The following SLC6A6 variants were observed in gnomAD, a reference collection of about 807,000 sequenced individuals.
SLC6A6 encodes solute carrier family 6 member 6.
SLC6A6 carries 16 observed loss-of-function variants against 68.8 expected under a neutral mutation model. The ratio of observed to expected loss-of-function variants is 0.23; its 90% CI spans 0.16 to 0.35. The LOEUF is 0.35. Ranked by LOEUF, SLC6A6 falls within the 10% of genes least tolerant of loss-of-function variation. The probability of loss-of-function intolerance (pLI) is 1.00; values close to 1 mark genes in which losing one functional copy is unlikely to be tolerated. For missense variants in SLC6A6, 474 were observed against 802.8 expected, an observed-to-expected ratio of 0.59 and a Z score of 4.95; for synonymous variants, 312 against 315.4, an observed-to-expected ratio of 0.99 and a Z score of 0.12.
At chr3:14,434,006 C>T (rs761825577) in intron 2 of SLC6A6, among the ~76,000 whole-genome samples, 7 of 152,134 alleles carry the variant, frequency 4.6e-5, no homozygotes, top group East Asian at 1.9e-4. Flanking sequence ...TTGGGGGCCC[C>T]GTCCCCTCTT....
chr3:14,434,455 G>T (rs1402093034), intron 2 of SLC6A6, among the ~76,000 whole-genome samples: 2 of 152,228 alleles, frequency 1.3e-5, no homozygotes, highest in Admixed American at 1.3e-4. Context: ...CTGCAGGTCA[G>T]CTTGGTAGGG....
intron 1 of SLC6A6, among the ~76,000 whole-genome samples, chr3:14,406,881 T>C (rs1023092210): frequency 1.3e-5 from 2 of 152,052 alleles, no homozygotes; most frequent in Non-Finnish European, 2.9e-5. Flanking sequence ...GGGGAGGGAA[T>C]GATGGGGGAG....
At position 14,484,853 on chromosome 3, in the gene SLC6A6, T is replaced by C. The variant is rs202033926; in HGVS notation, c.1723-14T>C. 1,907 of 1,610,790 alleles carry C rather than the reference T, an allele frequency of 1.2e-3. 40 individuals are homozygous for C. The South Asian group carries it at 0.019, about 16-fold the overall frequency. The stretch of plus-strand genomic sequence containing the variant: ...CCTGACGTTTCCCCCCTCACTCCTG[T>C]CATCCTTCTCCAGAGAGTCAAGTAC... On this transcript the variant is annotated splice_polypyrimidine_tract_variant and intron_variant, in intron 14 of 14. Transcript: ENST00000622186.
At position 14,443,660 on chromosome 3, in the gene SLC6A6, G is replaced by A. The variant is rs777774845; in HGVS notation, c.26G>A (p.Cys9Tyr). Residue 9 changes from cysteine (C) to tyrosine (Y), a missense_variant, in exon 3 of 15, where the codon TGT becomes TAT. Cys to Tyr is a radical substitution (Grantham distance 194). Transcript: ENST00000622186. MATKEKLQ[C>Y]LKDFHKDILK... ...ATGGCCACCAAGGAGAAGCTGCAGT[G>A]TCTGAAAGATTTCCACAAGGACATC... The A allele has an allele frequency of 5.0e-6, 8 of 1,613,582 alleles. No homozygotes were observed. The East Asian group carries it at 6.7e-5, about 13-fold the overall frequency.
intron 1 of SLC6A6, among the ~76,000 whole-genome samples, chr3:14,409,512 A>C (rs1171490396): frequency 6.6e-6 from 1 of 152,254 alleles, no homozygotes; most frequent in African/African-American, 2.4e-5. Flanking sequence ...CGCTGGACCC[A>C]GAGTCCACCG....
At chr3:14,464,149 C>T (rs534287541) in intron 6 of SLC6A6, among the ~76,000 whole-genome samples, 4 of 152,294 alleles carry the variant, frequency 2.6e-5, no homozygotes, top group East Asian at 3.9e-4. Context: ...CAGTCTAGAG[C>T]GGACAGCGGC....
In SLC6A6 at chr3:14,468,280, A is replaced by C; in HGVS notation, c.1096+68A>C. 6.9e-7 allele frequency: 1 copy of C among 1,454,744 alleles called. No homozygotes were observed. 90.1% of individuals were successfully genotyped at this position (1,454,744 alleles called of 1,614,324 possible). A position where few individuals can be genotyped will look rare whatever the true frequency, so the allele number is the denominator to read the frequency against. ...AGTGTGTAAGCCAAGTACTGCAGGC[A>C]TGAAGCCAGACCCCAGGGGGCTTTG... On this transcript the variant is annotated intron_variant, in intron 9 of 14. Coordinates refer to ENST00000622186, the MANE Select transcript of SLC6A6 (RefSeq NM_003043.6). This position sits in a 1 kb window ranked among gnomAD's most constrained non-coding sequence, Gnocchi z 4.5.
In SLC6A6 at chr3:14,489,271, A is replaced by T. The variant is rs969377622; in HGVS notation, c.*4264A>T. The T allele has an allele frequency of 6.6e-6, 1 of 152,530 alleles. No individual in the cohort carries two copies. Among genetic ancestry groups the T allele is most frequent in the Non-Finnish European group, 1.5e-5 (1 of 68,016 alleles). 9.4% of individuals were successfully genotyped at this position (152,530 alleles called of 1,614,324 possible). ...AGATAAATATGTATATCAATATTTT[A>T]AATTCATCTTTGCTTTTTTTAGAGG... On this transcript the variant is annotated 3_prime_UTR_variant, in exon 15 of 15. Transcript: ENST00000622186.
chr3:14,448,073 G>A, intron 5 of SLC6A6: 8 of 1,203,780 alleles, frequency 6.6e-6, no homozygotes, highest in Non-Finnish European at 8.8e-6. Flanking sequence ...AAGATAAAAA[G>A]AATGAATCAT....
At chr3:14,469,179 G>C (rs1700696624) in intron 9 of SLC6A6, among the ~76,000 whole-genome samples, 1 of 152,014 alleles carries the variant, frequency 6.6e-6, no homozygotes, top group South Asian at 2.1e-4. Flanking sequence ...TTGGAGGGTG[G>C]TCATCAGTTG....
At chr3:14,437,994 A>ATTTTTTTT (rs34038422) in intron 2 of SLC6A6, among the ~76,000 whole-genome samples, 11 of 118,300 alleles carry the variant, frequency 9.3e-5, no homozygotes, top group Non-Finnish European at 1.4e-4. Context: ...CATCTGGCTA[A>ATTTTTTTT]TTTTTTTTTT....
intron 9 of SLC6A6, among the ~76,000 whole-genome samples, chr3:14,469,137 T>A (rs1217453164): frequency 1.3e-5 from 2 of 152,058 alleles, no homozygotes; most frequent in Non-Finnish European, 2.9e-5. Context: ...CTTTCCGACC[T>A]CTCCACCCTT....
chr3:14,443,525 G>A (rs1700039135), intron 2 of SLC6A6, 99 bp from the exon 3 acceptor site: 2 of 832,956 alleles, frequency 2.4e-6, no homozygotes, highest in African/African-American at 1.7e-5. Context: ...GGCCCGGGCA[G>A]GTGGGAGCCG....
At chr3:14,445,636 T>C (rs1700102189) in intron 3 of SLC6A6, 81 bp from the exon 4 acceptor site, 2 of 1,505,488 alleles carry the variant, frequency 1.3e-6, no homozygotes, top group Non-Finnish European at 1.8e-6. Context: ...TCTGGTTCCA[T>C]TGGCTGGGAG....
At chr3:14,440,935 C>T (rs2124939758) in intron 2 of SLC6A6, among the ~76,000 whole-genome samples, 1 of 152,300 alleles carries the variant, frequency 6.6e-6, no homozygotes, top group East Asian at 1.9e-4. Flanking sequence ...TGAAAACCCC[C>T]ACCCCCATCC....
intron 6 of SLC6A6, 32 bp downstream of exon 6, chr3:14,458,114 C>G: frequency 6.2e-7 from 1 of 1,607,264 alleles, no homozygotes; most frequent in East Asian, 2.2e-5. Flanking sequence ...CCCCTGCCTC[C>G]TGGAGAGCTG....
intron 2 of SLC6A6, among the ~76,000 whole-genome samples, chr3:14,422,307 C>T (rs1474290756): frequency 6.6e-6 from 1 of 152,158 alleles, no homozygotes; most frequent in Non-Finnish European, 1.5e-5. Flanking sequence ...CATGTCTCCA[C>T]ACACTTGCTG....
intron 1 of SLC6A6, among the ~76,000 whole-genome samples, chr3:14,414,115 C>CA (rs1699311810): frequency 6.6e-6 from 1 of 152,168 alleles, no homozygotes; most frequent in Non-Finnish European, 1.5e-5. Context: ...GTCATCGGGA[C>CA]TCAGTTTCCT....
At chr3:14,414,331 T>C (rs191627576) in intron 1 of SLC6A6, among the ~76,000 whole-genome samples, 160 of 152,246 alleles carry the variant, frequency 1.1e-3, no homozygotes, top group Middle Eastern at 0.01. Flanking sequence ...TTTGAGCCAA[T>C]CAAGACAGCC....
Sources: gnomAD v4.1 joint callset for allele counts (sites outside exome capture counted in the v4.1 genomes callset) on GRCh38, gnomAD v4.1.1 for gene constraint, Gnocchi (gnomAD v3.1) non-coding constraint, MANE v1.5 for transcripts, NCBI Gene and HGNC (gene_info 2026-07-23, HGNC 2026-07-21) for gene names.